Variants in HCN1 observed in about 807,000 individuals in gnomAD.
HCN1 encodes the protein potassium/sodium hyperpolarization-activated cyclic nucleotide-gated channel 1.
Under a neutral mutation model 78.9 loss-of-function variants are expected in HCN1, and 13 were observed. The ratio of observed to expected loss-of-function variants is 0.16; its 90% CI spans 0.11 to 0.26. HCN1 has a LOEUF of 0.26. Ranked by LOEUF, HCN1 falls within the 10% of genes least tolerant of loss-of-function variation. The probability of loss-of-function intolerance (pLI) is 1.00; values close to 1 mark genes in which losing one functional copy is unlikely to be tolerated. For missense variants in HCN1, 810 were observed against 1,154.3 expected, an observed-to-expected ratio of 0.70 and a Z score of 4.32; for synonymous variants, 552 against 455.5, an observed-to-expected ratio of 1.21 and a Z score of -2.70.
intron 2 of HCN1, among the ~76,000 whole-genome samples, chr5:45,478,270 A>G (rs1262518033): frequency 2.0e-5 from 3 of 152,224 alleles, no homozygotes; most frequent in Non-Finnish European, 2.9e-5. Flanking sequence ...ATCAGTGAAA[A>G]AAACAGAGAT....
At chr5:45,290,334 G>T (rs1487436982) in intron 6 of HCN1, among the ~76,000 whole-genome samples, 1 of 151,954 alleles carries the variant, frequency 6.6e-6, no homozygotes, top group Non-Finnish European at 1.5e-5. Context: ...ATTCATCAGG[G>T]TTCCACCCTC....
chr5:45,531,640 G>A (rs1415181757), intron 2 of HCN1, among the ~76,000 whole-genome samples: 5 of 152,044 alleles, frequency 3.3e-5, no homozygotes, highest in Non-Finnish European at 5.9e-5. Context: ...AGTACCTCAA[G>A]CATACAATTC....
At chr5:45,335,595 C>A (rs1267837682) in intron 5 of HCN1, among the ~76,000 whole-genome samples, 1 of 152,040 alleles carries the variant, frequency 6.6e-6, no homozygotes, top group African/African-American at 2.4e-5. Context: ...CCTTTCAGCA[C>A]TTGCAAATAA....
At chr5:45,346,037 C>A (rs1746696579) in intron 5 of HCN1, among the ~76,000 whole-genome samples, 1 of 152,200 alleles carries the variant, frequency 6.6e-6, no homozygotes, top group South Asian at 2.1e-4. Context: ...GCAAACACGT[C>A]CTTCTTTGCT....
intron 3 of HCN1, among the ~76,000 whole-genome samples, chr5:45,426,381 C>T (rs1740347202): frequency 6.6e-6 from 1 of 152,116 alleles, no homozygotes; most frequent in East Asian, 1.9e-4. Context: ...TGTGTCTCCA[C>T]CCAAATCTCA....
At chr5:45,672,593 T>C (rs1028543612) in intron 1 of HCN1, among the ~76,000 whole-genome samples, 12 of 150,402 alleles carry the variant, frequency 8.0e-5, no homozygotes, top group Admixed American at 8.0e-4. Flanking sequence ...CTAAAGTAGA[T>C]TTTGCCTGAA....
intron 2 of HCN1, among the ~76,000 whole-genome samples, chr5:45,581,330 G>A (rs979740408): frequency 1.3e-5 from 2 of 151,664 alleles, no homozygotes; most frequent in African/African-American, 4.8e-5. Context: ...GCTGAGAAGT[G>A]TCTGTTTGTA....
chr5:45,307,124 G>T (rs763752491), intron 5 of HCN1, among the ~76,000 whole-genome samples: 94 of 151,832 alleles, frequency 6.2e-4, no homozygotes, highest in Non-Finnish European at 1.2e-3. Flanking sequence ...AAACAAAGCT[G>T]GAAAAACTTG....
At chr5:45,287,810 T>G (rs944901028) in intron 6 of HCN1, among the ~76,000 whole-genome samples, 3 of 152,038 alleles carry the variant, frequency 2.0e-5, no homozygotes, top group Admixed American at 2.0e-4. Context: ...CCAGTGTTGA[T>G]TCACTTGACA....
At chr5:45,424,575 T>C (rs1362093085) in intron 3 of HCN1, among the ~76,000 whole-genome samples, 3 of 152,198 alleles carry the variant, frequency 2.0e-5, no homozygotes, top group Non-Finnish European at 4.4e-5. Context: ...TTACTTTCAC[T>C]AATAAGATGC....
chr5:45,314,094 T>C (rs1231743334), intron 5 of HCN1, among the ~76,000 whole-genome samples: 1 of 151,440 alleles, frequency 6.6e-6, no homozygotes, highest in Non-Finnish European at 1.5e-5. Flanking sequence ...AGGAAAAAAA[T>C]GGTAAGGGCA....
intron 3 of HCN1, among the ~76,000 whole-genome samples, chr5:45,441,990 T>C (rs1393564566): frequency 1.3e-5 from 2 of 152,174 alleles, no homozygotes; most frequent in Non-Finnish European, 2.9e-5. Flanking sequence ...AGAATTCTCA[T>C]GCAAAGTCTT....
At chr5:45,450,352 T>C (rs1310335766) in intron 3 of HCN1, among the ~76,000 whole-genome samples, 3 of 152,228 alleles carry the variant, frequency 2.0e-5, no homozygotes, top group Non-Finnish European at 4.4e-5. Flanking sequence ...CATACATTGA[T>C]GGAAAATAGA....
chr5:45,600,371 CAT>C (rs1445153579), intron 2 of HCN1, among the ~76,000 whole-genome samples: 1 of 152,128 alleles, frequency 6.6e-6, no homozygotes, highest in African/African-American at 2.4e-5. Context: ...GTTAATCACT[CAT>C]ATTCTCTTAA....
In HCN1 at chr5:45,433,016, T is replaced by TA; in HGVS notation, c.1011+28829dup. On this transcript the variant is annotated intron_variant, in intron 3 of 7. Coordinates refer to ENST00000303230, the MANE Select transcript of HCN1 (RefSeq NM_021072.4). Reference sequence around the variant, plus strand: ...TAAAACCATCATATCTCATGAGACTTACGCAGTATCATGAGAACAGCACAT... The same window carrying TA: ...TAAAACCATCATATCTCATGAGACTTAACGCAGTATCATGAGAACAGCACAT... Among the ~76,000 whole-genome samples the TA allele has an allele frequency of 2.0e-5, 3 of 152,080 alleles. 1 individual carries two copies. In the South Asian group the frequency reaches 6.2e-4, roughly 32 times the overall value.
At position 45,562,127 on chromosome 5, in the gene HCN1, G is replaced by A. The variant is rs1023082376; in HGVS notation, c.849+83058C>T. On this transcript the variant is annotated intron_variant, in intron 2 of 7. Transcript: ENST00000303230. ...CTGGTGACTCCCAAATTTGTGGCTG[G>A]CATTTGAAGTGATAACAGTTTTCTT... Among the ~76,000 whole-genome samples, 2 of 151,958 alleles carry A rather than the reference G, an allele frequency of 1.3e-5. 1 individual carries two copies. The highest frequency in any genetic ancestry group is 4.8e-5 in the African/African-American group (2 of 41,378).
chr5:45,481,342 A>C (rs1741646856), intron 2 of HCN1, among the ~76,000 whole-genome samples: 1 of 152,204 alleles, frequency 6.6e-6, no homozygotes, highest in South Asian at 2.1e-4. Flanking sequence ...GATTCTTCTA[A>C]TCTTGGTTTC....
At chr5:45,370,866 T>C (rs555599209) in intron 4 of HCN1, among the ~76,000 whole-genome samples, 1 of 152,240 alleles carries the variant, frequency 6.6e-6, no homozygotes, top group South Asian at 2.1e-4. Context: ...AGTATAGTGA[T>C]GATGGAGCTA....
chr5:45,261,226 G>T lies in HCN1; in HGVS notation c.*695C>A, dbSNP rs996382913. 1.3e-5 allele frequency: 2 copies of T among 152,548 alleles called. No individual in the cohort carries two copies. Among genetic ancestry groups the T allele is most frequent in the Non-Finnish European group, 2.9e-5 (2 of 68,024 alleles). The allele number at this position is 152,548 out of a possible 1,614,324, so 9.4% of individuals were successfully genotyped here. A position where few individuals can be genotyped will look rare whatever the true frequency, so the allele number is the denominator to read the frequency against. On this transcript the variant is annotated 3_prime_UTR_variant, in exon 8 of 8. Coordinates refer to ENST00000303230, the MANE Select transcript of HCN1 (RefSeq NM_021072.4). ...AAGTTATTTACAACTAACATTGATC[G>T]AGTCTTGGTAAAAGTCCGATAACAC...
Sources: gnomAD v4.1 joint callset for allele counts (sites outside exome capture counted in the v4.1 genomes callset) on GRCh38, gnomAD v4.1.1 for gene constraint, MANE v1.5 for transcripts, NCBI Gene and HGNC (gene_info 2026-07-23, HGNC 2026-07-21) for gene names.